FANCA: variants seen among roughly 807,000 people sequenced by gnomAD.
FANCA encodes Fanconi anemia group A protein.
In FANCA, 236 loss-of-function variants were observed where a neutral mutation model predicts 194.3. The ratio of observed to expected loss-of-function variants is 1.21; its 90% CI spans 1.09 to 1.35. FANCA has a LOEUF of 1.35. Ranked by LOEUF, FANCA falls within the 40% of genes most tolerant of loss-of-function variation. The pLI is 0.00. For synonymous variants in FANCA, 1,014 were observed against 715.8 expected, an observed-to-expected ratio of 1.42 and a Z score of -6.65; for missense variants, 2,628 against 1,813.9, an observed-to-expected ratio of 1.45 and a Z score of -8.15.
chr16:89,748,484 C>G (rs2038467923), intron 33 of FANCA, among the ~76,000 whole-genome samples, 175 bp downstream of exon 33: 1 of 152,250 alleles, frequency 6.6e-6, no homozygotes, highest in Non-Finnish European at 1.5e-5. Flanking sequence ...GGTCGCCGTC[C>G]TGGCTGTGGG....
Position 89,770,146 on chromosome 16 carries a change from C to T in FANCA, c.2316+20G>A. 1 of 1,577,032 alleles carries T rather than the reference C, an allele frequency of 6.3e-7. No homozygotes were observed. Among genetic ancestry groups the T allele is most frequent in the Non-Finnish European group, 8.6e-7 (1 of 1,161,688 alleles). ...TCAGAGTGGGCCCCCAAGGGTGGCC[C>T]CCATGAAGGAGAGCCTCACCTGGTG... is the stretch of plus-strand genomic sequence containing the variant. On this transcript the variant is annotated intron_variant, in intron 25 of 42. Coordinates refer to ENST00000389301, the MANE Select transcript of FANCA (RefSeq NM_000135.4).
intron 11 of FANCA, among the ~76,000 whole-genome samples, chr16:89,795,061 G>T (rs1199797371): frequency 6.6e-6 from 1 of 152,140 alleles, no homozygotes. Flanking sequence ...GAGACGGGCG[G>T]ATTACCTGAG....
rs759393657 is a variant in FANCA at position 89,814,481 on chromosome 16, T to C, written c.283+39A>G. ...ACTATGGTTACTATATAAAAACCCT[T>C]CTGCAATTCAAAATAGAGAAAATGA... On this transcript the variant is annotated intron_variant, in intron 3 of 42. Coordinates refer to ENST00000389301, the MANE Select transcript of FANCA (RefSeq NM_000135.4). 16 of 1,440,180 alleles carry C rather than the reference T, an allele frequency of 1.1e-5. No homozygotes were observed. In the East Asian group the frequency reaches 3.0e-4, roughly 27 times the overall value. The allele number at this position is 1,440,180 out of a possible 1,614,324, so 89.2% of individuals were successfully genotyped here.
intron 6 of FANCA, among the ~76,000 whole-genome samples, chr16:89,806,020 C>T (rs1464867722): frequency 6.6e-6 from 1 of 152,174 alleles, no homozygotes; most frequent in African/African-American, 2.4e-5. Flanking sequence ...TCAAGCGATT[C>T]TCCTGCCTCA....
intron 30 of FANCA, among the ~76,000 whole-genome samples, chr16:89,756,452 A>G (rs1383010487): frequency 1.3e-5 from 2 of 152,112 alleles, no homozygotes; most frequent in African/African-American, 4.8e-5. Flanking sequence ...AACATGGTGA[A>G]ACCCCATCTC....
intron 14 of FANCA, among the ~76,000 whole-genome samples, chr16:89,785,823 C>T (rs920670953): frequency 2.0e-5 from 3 of 149,996 alleles, no homozygotes; most frequent in East Asian, 3.9e-4. Context: ...GAAGGCTCAC[C>T]TTGGTCTTTC....
At chr16:89,792,430 G>T (rs183521827) in intron 12 of FANCA, 41 bp downstream of exon 12, 5 of 1,586,992 alleles carry the variant, frequency 3.2e-6, no homozygotes, top group South Asian at 1.1e-5. Flanking sequence ...TAATCCCCCC[G>T]CCACGAGCTC....
chr16:89,749,664 A>G (rs2038511805), intron 32 of FANCA, 66 bp downstream of exon 32: 1 of 1,555,746 alleles, frequency 6.4e-7, no homozygotes, highest in Non-Finnish European at 8.7e-7. Flanking sequence ...AAGAACCTCT[A>G]GGACCGTCAT....
At chr16:89,792,413 C>T in intron 12 of FANCA, 58 bp downstream of exon 12, 2 of 1,535,808 alleles carry the variant, frequency 1.3e-6, no homozygotes, top group African/African-American at 2.7e-5. Flanking sequence ...AAGTACTAGG[C>T]AGATCTTAAT....
intron 14 of FANCA, among the ~76,000 whole-genome samples, chr16:89,790,163 A>C (rs966222075): frequency 6.6e-6 from 1 of 152,160 alleles, no homozygotes; most frequent in Non-Finnish European, 1.5e-5. Flanking sequence ...GCACTTTGGG[A>C]GGCCGAGGGA....
At chr16:89,804,323 G>A (rs1425581786) in intron 7 of FANCA, among the ~76,000 whole-genome samples, 1 of 152,118 alleles carries the variant, frequency 6.6e-6, no homozygotes, top group Admixed American at 6.6e-5. Context: ...TCCCAGAGAG[G>A]ATCTGAGAAC....
chr16:89,781,675 C>CA (rs1191506028), intron 17 of FANCA, among the ~76,000 whole-genome samples: 5,947 of 81,408 alleles, frequency 0.073, 278 homozygotes, highest in African/African-American at 0.16. Context: ...GACTCCGTCT[C>CA]AAAAAAAAAA....
chr16:89,754,970 C>G (rs765538960), intron 30 of FANCA, among the ~76,000 whole-genome samples: 1 of 152,106 alleles, frequency 6.6e-6, no homozygotes. Context: ...AAGTTGGAGG[C>G]CTCACACTTC....
chr16:89,811,790 G>T (rs1405908676), intron 3 of FANCA, among the ~76,000 whole-genome samples: 2 of 152,108 alleles, frequency 1.3e-5, no homozygotes, highest in African/African-American at 2.4e-5. Flanking sequence ...AAGTGCAACG[G>T]CGCCATCTCA....
At position 89,746,627 on chromosome 16, in the gene FANCA, G is replaced by T. The variant is rs1366829446; in HGVS notation, c.3470C>A (p.Ala1157Asp). The change falls in exon 35 of 43, where the codon GCC becomes GAC. Residue 1157 changes from alanine to aspartate, a missense_variant. Ala to Asp is a moderately radical substitution (Grantham distance 126). Coordinates refer to ENST00000389301, the MANE Select transcript of FANCA (RefSeq NM_000135.4). ...TAAGGGGCATTTCGTCTGGCACTTGGCCAGTATGAAGTCGACCATCAGGGA... is the reference window on the plus strand; with the variant it reads ...TAAGGGGCATTTCGTCTGGCACTTGTCCAGTATGAAGTCGACCATCAGGGA... ...DPSLMVDFIL[A>D]KCQTKCPLIL... 5 of 1,614,164 alleles carry T rather than the reference G, an allele frequency of 3.1e-6. No homozygotes were observed. In the South Asian group the frequency reaches 5.5e-5, roughly 18 times the overall value.
At chr16:89,798,768 G>C in intron 10 of FANCA, 1 of 1,393,580 alleles carries the variant, frequency 7.2e-7, no homozygotes. Context: ...AGTCTGTAGA[G>C]GCACAGCTAC....
rs1174402922 is a variant in FANCA, at chr16:89,758,674, G to A, written c.2884C>T (p.His962Tyr). Reference sequence around the variant, plus strand: ...GAAGCCGAGGACTCAGGGAGAAAGTGCTCATGGATCGCCCACTGGTGGAAG... The same window carrying A: ...GAAGCCGAGGACTCAGGGAGAAAGTACTCATGGATCGCCCACTGGTGGAAG... ...QDFHQWAIHE[H>Y]FLPESSASGG... The change falls in exon 30 of 43, where the codon CAC becomes TAC. Residue 962 changes from histidine to tyrosine, a missense_variant. Coordinates refer to ENST00000389301, the MANE Select transcript of FANCA (RefSeq NM_000135.4). 6.2e-7 allele frequency: 1 copy of A among 1,614,006 alleles called. No individual in the cohort carries two copies. Among genetic ancestry groups the A allele is most frequent in the East Asian group, 2.2e-5 (1 of 44,878 alleles).
intron 14 of FANCA, among the ~76,000 whole-genome samples, chr16:89,789,303 G>C (rs943620236): frequency 9.8e-6 from 1 of 101,762 alleles, no homozygotes; most frequent in Non-Finnish European, 1.8e-5. Context: ...TCCTCAGAAG[G>C]CCTGGGGGGG....
chr16:89,793,758 T>A (rs921827925), intron 11 of FANCA, among the ~76,000 whole-genome samples: 6 of 151,890 alleles, frequency 4.0e-5, no homozygotes, highest in Non-Finnish European at 7.4e-5. Flanking sequence ...TTTTTGTATT[T>A]TTATTTTTTT....
Sources: gnomAD v4.1 joint callset for allele counts (sites outside exome capture counted in the v4.1 genomes callset) on GRCh38, gnomAD v4.1.1 for gene constraint, MANE v1.5 for transcripts, NCBI Gene and HGNC (gene_info 2026-07-23, HGNC 2026-07-21) for gene names.